GRIK4: variants seen among roughly 807,000 people sequenced by gnomAD.
The protein encoded by GRIK4 is glutamate ionotropic receptor kainate type subunit 4, also known as glutamate receptor ionotropic, kainate 4.
Under a neutral mutation model 104.9 loss-of-function variants are expected in GRIK4, and 40 were observed. The ratio of observed to expected loss-of-function variants is 0.38; its 90% CI spans 0.30 to 0.50. The LOEUF (loss-of-function observed/expected upper bound fraction) is 0.50. Ranked by LOEUF, GRIK4 falls within the 20% of genes least tolerant of loss-of-function variation. The pLI is 0.93. For missense variants in GRIK4, 1,047 were observed against 1,308.1 expected (o/e 0.80, Z 3.08); for synonymous variants, 485 against 524.9 (o/e 0.92, Z 1.04).
chr11:120,784,333 A>G (rs1377601450), intron 3 of GRIK4, among the ~76,000 whole-genome samples: 2 of 152,324 alleles, frequency 1.3e-5, no homozygotes, highest in South Asian at 2.1e-4. Context: ...TCTCCTGGGA[A>G]AAGAGACAGA....
At chr11:120,776,413 G>A (rs2135464712) in intron 3 of GRIK4, among the ~76,000 whole-genome samples, 1 of 152,120 alleles carries the variant, frequency 6.6e-6, no homozygotes, top group South Asian at 2.1e-4. Flanking sequence ...CCTCTTTTTT[G>A]CCTGACCTCA....
chr11:120,572,389 G>A (rs546903871), intron 1 of GRIK4, among the ~76,000 whole-genome samples: 3 of 152,196 alleles, frequency 2.0e-5, no homozygotes, highest in African/African-American at 7.2e-5. Context: ...AATCGGGCAG[G>A]TCAGGGAGTA....
intron 3 of GRIK4, among the ~76,000 whole-genome samples, chr11:120,706,555 T>C (rs1161525273): frequency 6.6e-6 from 1 of 151,984 alleles, no homozygotes; most frequent in Non-Finnish European, 1.5e-5. Flanking sequence ...GACTTCCAGG[T>C]GAGGGGCTGT....
rs1432552371 is a variant in GRIK4 at position 120,766,592 on chromosome 11, G to A, written c.83-36101G>A. On this transcript the variant is annotated intron_variant, in intron 3 of 20. Coordinates refer to ENST00000527524, the MANE Select transcript of GRIK4 (RefSeq NM_014619.5). Reference sequence around the variant, plus strand: ...CAGGGGCCTTGTGGTGTAGGAACCCGAGGGAATATCCTGTTCTGTGGGTTG... The same window carrying A: ...CAGGGGCCTTGTGGTGTAGGAACCCAAGGGAATATCCTGTTCTGTGGGTTG... 2.6e-5 allele frequency among the ~76,000 whole-genome samples: 4 copies of A among 152,304 alleles called. No homozygotes were observed. In the East Asian group the frequency reaches 5.8e-4, roughly 22 times the overall value.
rs142896157 is a variant in GRIK4, at chr11:120,980,301, G to A, written c.2396-1805G>A. On this transcript the variant is annotated intron_variant, in intron 19 of 20. Coordinates refer to ENST00000527524, the MANE Select transcript of GRIK4 (RefSeq NM_014619.5). ...GGGGGATGTCCACCCAGCCTCCCTC[G>A]ACAGGGGCTGGCCAGAGAAGGTAAT... Among the ~76,000 whole-genome samples, 256 of 152,240 alleles carry A rather than the reference G, an allele frequency of 1.7e-3. 1 individual carries two copies. The highest frequency in any genetic ancestry group is 5.8e-3 in the African/African-American group (240 of 41,550).
At chr11:120,781,437 A>G (rs190976777) in intron 3 of GRIK4, among the ~76,000 whole-genome samples, 33 of 152,128 alleles carry the variant, frequency 2.2e-4, no homozygotes, top group African/African-American at 8.0e-4. Flanking sequence ...TACAGCCTCA[A>G]CTTCTTGGGC....
intron 1 of GRIK4, among the ~76,000 whole-genome samples, chr11:120,641,124 T>C (rs1296804603): frequency 6.6e-6 from 1 of 152,266 alleles, no homozygotes; most frequent in African/African-American, 2.4e-5. Flanking sequence ...AGCTGTTCTA[T>C]GTGAAACATC....
intron 8 of GRIK4, among the ~76,000 whole-genome samples, chr11:120,845,498 T>C (rs950322740): frequency 1.3e-5 from 2 of 152,180 alleles, no homozygotes; most frequent in Non-Finnish European, 2.9e-5. Context: ...GCCTCTAGCT[T>C]TCCAAAACTC....
chr11:120,742,372 AG>A (rs1184982301), intron 3 of GRIK4, among the ~76,000 whole-genome samples: 1 of 151,774 alleles, frequency 6.6e-6, no homozygotes, highest in African/African-American at 2.4e-5. Flanking sequence ...AAGTGGGCAA[AG>A]GACATGGACA....
At chr11:120,519,169 A>G (rs913273324) in intron 1 of GRIK4, among the ~76,000 whole-genome samples, 3 of 152,210 alleles carry the variant, frequency 2.0e-5, no homozygotes, top group Admixed American at 1.3e-4. Context: ...GATGATGACA[A>G]TAATAATAGC....
chr11:120,793,148 A>AT (rs1952433853), intron 3 of GRIK4, among the ~76,000 whole-genome samples: 1 of 152,204 alleles, frequency 6.6e-6, no homozygotes, highest in Non-Finnish European at 1.5e-5. Flanking sequence ...TTTTGCAAAA[A>AT]TGAATATTGA....
Position 120,847,370 on chromosome 11 carries a change from C to T in GRIK4, c.744+10526C>T, listed in dbSNP as rs563663207. 4.6e-5 allele frequency among the ~76,000 whole-genome samples: 7 copies of T among 152,268 alleles called. No individual in the cohort carries two copies. The South Asian group carries it at 1.5e-3, about 32-fold the overall frequency. Reference sequence around the variant, plus strand: ...GACTAGAGGGGAAGAAGAACACAAGCAGATTATCATAAATCAGTGGGTTCA... The same window carrying T: ...GACTAGAGGGGAAGAAGAACACAAGTAGATTATCATAAATCAGTGGGTTCA... On this transcript the variant is annotated intron_variant, in intron 8 of 20. Coordinates refer to ENST00000527524, the MANE Select transcript of GRIK4 (RefSeq NM_014619.5).
intron 3 of GRIK4, among the ~76,000 whole-genome samples, chr11:120,665,790 T>TCCTCCTTGCTCCTCC (rs1468444967): frequency 1.1e-4 from 16 of 152,190 alleles, no homozygotes; most frequent in Admixed American, 1.0e-3. Context: ...ATCTCTCCTC[T>TCCTCCTTGCTCCTCC]CCTCCTTGCT....
At chr11:120,582,436 G>A (rs905323662) in intron 1 of GRIK4, among the ~76,000 whole-genome samples, 1 of 152,020 alleles carries the variant, frequency 6.6e-6, no homozygotes, top group African/African-American at 2.4e-5. Context: ...TACCTGATAG[G>A]TAGTTTTTAG....
chr11:120,907,584 A>G (rs1357985603), intron 13 of GRIK4, among the ~76,000 whole-genome samples: 2 of 152,198 alleles, frequency 1.3e-5, no homozygotes, highest in African/African-American at 2.4e-5. Context: ...TGGAGATACA[A>G]TGGGGGACAA....
At chr11:120,795,837 G>A (rs114323527) in intron 3 of GRIK4, among the ~76,000 whole-genome samples, 121 of 152,148 alleles carry the variant, frequency 8.0e-4, no homozygotes, top group African/African-American at 2.7e-3. Flanking sequence ...TACTAAAATC[G>A]GGGACACTCG....
intron 19 of GRIK4, among the ~76,000 whole-genome samples, chr11:120,972,422 G>A (rs1944490284): frequency 6.6e-6 from 1 of 152,204 alleles, no homozygotes; most frequent in Non-Finnish European, 1.5e-5. Flanking sequence ...TAATGTCCTT[G>A]GAGAGCGAGG....
At chr11:120,796,192 C>G (rs184673539) in intron 3 of GRIK4, among the ~76,000 whole-genome samples, 1 of 152,052 alleles carries the variant, frequency 6.6e-6, no homozygotes, top group South Asian at 2.1e-4. Flanking sequence ...CCCGCCACAA[C>G]GCCTGGCATA....
chr11:120,929,016 T>C (rs989739891), intron 13 of GRIK4, among the ~76,000 whole-genome samples: 4 of 121,136 alleles, frequency 3.3e-5, no homozygotes, highest in South Asian at 2.8e-4. Context: ...TATGTGTGTG[T>C]GCGCACATGT....
Sources: gnomAD v4.1 joint callset for allele counts (sites outside exome capture counted in the v4.1 genomes callset) on GRCh38, gnomAD v4.1.1 for gene constraint, MANE v1.5 for transcripts, NCBI Gene and HGNC (gene_info 2026-07-23, HGNC 2026-07-21) for gene names.